The following LOC128125817 variants were observed in gnomAD, a reference collection of about 807,000 sequenced individuals.
the LOC128125817 span, among the ~76,000 whole-genome samples, chr1:41,606,475 T>A: frequency 1.3e-5 from 2 of 152,072 alleles, no homozygotes; most frequent in South Asian, 2.1e-4. Flanking sequence ...GTTAACAACA[T>A]CATTATGAAG....
At chr1:41,606,563 T>C in the LOC128125817 span, among the ~76,000 whole-genome samples, 29 of 151,952 alleles carry the variant, frequency 1.9e-4, no homozygotes, top group Admixed American at 1.3e-4. Flanking sequence ...TGAAACTTGG[T>C]CACAAGAAGA....
the LOC128125817 span, among the ~76,000 whole-genome samples, chr1:41,620,835 T>C: frequency 2.0e-5 from 3 of 152,212 alleles, no homozygotes; most frequent in South Asian, 4.1e-4. Flanking sequence ...GAAACCCTGA[T>C]TGGTTCAACA....
chr1:41,628,503 G>A, the LOC128125817 span, among the ~76,000 whole-genome samples: 1 of 152,134 alleles, frequency 6.6e-6, no homozygotes, highest in African/African-American at 2.4e-5. Flanking sequence ...ACTGGGAGGG[G>A]GCGGACTGCA....
At chr1:41,611,853 T>G in the LOC128125817 span, among the ~76,000 whole-genome samples, 1 of 152,208 alleles carries the variant, frequency 6.6e-6, no homozygotes, top group Admixed American at 6.5e-5. Flanking sequence ...ACATTCTGGA[T>G]GCTTCTCCCT....
chr1:41,628,421 C>T, the LOC128125817 span, among the ~76,000 whole-genome samples: 1 of 152,098 alleles, frequency 6.6e-6, no homozygotes, highest in African/African-American at 2.4e-5. Flanking sequence ...GGCTGTGGCC[C>T]CTGGAGAGGG....
At chr1:41,598,273 TC>T in the LOC128125817 span, among the ~76,000 whole-genome samples, 1 of 152,222 alleles carries the variant, frequency 6.6e-6, no homozygotes, top group Non-Finnish European at 1.5e-5. Flanking sequence ...CTGGCAGGTC[TC>T]TAGTGGTTCC....
chr1:41,617,057 C>T, the LOC128125817 span, among the ~76,000 whole-genome samples: 1 of 152,188 alleles, frequency 6.6e-6, no homozygotes, highest in South Asian at 2.1e-4. Flanking sequence ...ACCCTGTGCT[C>T]CTAACCACTC....
chr1:41,604,556 C>T, the LOC128125817 span, among the ~76,000 whole-genome samples: 5 of 152,176 alleles, frequency 3.3e-5, no homozygotes, highest in Non-Finnish European at 5.9e-5. Flanking sequence ...CATAAAAGTG[C>T]TTGCTGAGGA....
At chr1:41,607,080 T>A in the LOC128125817 span, among the ~76,000 whole-genome samples, 1 of 152,172 alleles carries the variant, frequency 6.6e-6, no homozygotes, top group African/African-American at 2.4e-5. Flanking sequence ...CACCTCAGCC[T>A]CTCAAAGTGC....
At chr1:41,598,273 T>G in the LOC128125817 span, among the ~76,000 whole-genome samples, 5 of 152,222 alleles carry the variant, frequency 3.3e-5, no homozygotes, top group Non-Finnish European at 7.3e-5. Flanking sequence ...CTGGCAGGTC[T>G]CTAGTGGTTC....
the LOC128125817 span, among the ~76,000 whole-genome samples, chr1:41,596,119 T>C: frequency 6.6e-6 from 1 of 151,516 alleles, no homozygotes; most frequent in Non-Finnish European, 1.5e-5. Flanking sequence ...CACTGGGAGG[T>C]GTTTCCACAC....
the LOC128125817 span, among the ~76,000 whole-genome samples, chr1:41,626,591 G>C: frequency 6.6e-6 from 1 of 152,192 alleles, no homozygotes. Flanking sequence ...GCATCTCTCA[G>C]AGGGCTCTGC....
At chr1:41,593,378 G>A in the LOC128125817 span, among the ~76,000 whole-genome samples, 1 of 152,072 alleles carries the variant, frequency 6.6e-6, no homozygotes, top group Non-Finnish European at 1.5e-5. Flanking sequence ...TTTGCGGGCA[G>A]CAGCACTGTA....
At chr1:41,603,195 T>G in the LOC128125817 span, among the ~76,000 whole-genome samples, 1 of 151,334 alleles carries the variant, frequency 6.6e-6, no homozygotes, top group African/African-American at 2.4e-5. Context: ...GCCTCCTGAA[T>G]AGCTGGGATT....
At chr1:41,587,475 T>A in the LOC128125817 span, among the ~76,000 whole-genome samples, 1 of 152,090 alleles carries the variant, frequency 6.6e-6, no homozygotes, top group Non-Finnish European at 1.5e-5. Context: ...CTACTAACAG[T>A]CATCGAGGAA....
the LOC128125817 span, among the ~76,000 whole-genome samples, chr1:41,585,663 T>G: frequency 1.3e-5 from 2 of 152,150 alleles, no homozygotes; most frequent in Non-Finnish European, 2.9e-5. Flanking sequence ...ATCTCTGTTT[T>G]GTGATCCACT....
At chr1:41,621,704 G>T in the LOC128125817 span, among the ~76,000 whole-genome samples, 1 of 152,144 alleles carries the variant, frequency 6.6e-6, no homozygotes, top group Non-Finnish European at 1.5e-5. Context: ...TAGTTTTTGA[G>T]ATGAGGTCTC....
At chr1:41,622,393 G>T in the LOC128125817 span, among the ~76,000 whole-genome samples, 3 of 152,188 alleles carry the variant, frequency 2.0e-5, no homozygotes, top group East Asian at 1.9e-4. Flanking sequence ...GAGCAGGGGT[G>T]GGGGAGGAAG....
the LOC128125817 span, among the ~76,000 whole-genome samples, chr1:41,599,971 C>T: frequency 1.3e-5 from 2 of 152,120 alleles, no homozygotes; most frequent in African/African-American, 2.4e-5. Context: ...AAAAGATGCT[C>T]ACCATTACCA....
Sources: allele counts gnomAD v4.1 joint callset (sites outside exome capture counted in the v4.1 genomes callset), GRCh38; gene constraint gnomAD v4.1.1; transcripts MANE v1.5.